Variants in APPL1 observed in about 807,000 individuals in gnomAD.
APPL1 encodes the protein DCC-interacting protein 13-alpha.
In APPL1, 42 loss-of-function variants were observed where a neutral mutation model predicts 106.8. The ratio of observed to expected loss-of-function variants is 0.39; its 90% confidence interval spans 0.31 to 0.51. The LOEUF is 0.51. Among genes scored for constraint, APPL1 ranks in the 20% least tolerant of loss-of-function variants. The pLI is 0.75. For missense variants in APPL1, 769 were observed against 858.2 expected, an observed-to-expected ratio of 0.90 and a Z score of 1.30; for synonymous variants, 263 against 281.8, an observed-to-expected ratio of 0.93 and a Z score of 0.67.
At chr3:57,259,468 G>A (rs2060854081) in intron 16 of APPL1, among the ~76,000 whole-genome samples, 1 of 152,154 alleles carries the variant, frequency 6.6e-6, no homozygotes, top group South Asian at 2.1e-4. Context: ...GTTTGTGTGT[G>A]TGTGTGTGTG....
rs2060938976 is a variant in APPL1, at chr3:57,271,411, A to G, written c.*1724A>G. ...TAAAAAGTTTATTTTGTGCTTACCA[A>G]AAGGAATGCTTTCACAATAGTGTAT... On this transcript the variant is annotated 3_prime_UTR_variant, in exon 22 of 22. Coordinates refer to ENST00000288266, the MANE Select transcript of APPL1 (RefSeq NM_012096.3). 6.6e-6 allele frequency: 1 copy of G among 152,668 alleles called. No individual in the cohort carries two copies. The highest frequency in any genetic ancestry group is 6.5e-5 in the Admixed American group (1 of 15,288). The allele number at this position is 152,668 out of a possible 1,614,324, so 9.5% of individuals were successfully genotyped here.
chr3:57,239,045 C>T (rs543992231), intron 4 of APPL1, among the ~76,000 whole-genome samples: 3 of 152,168 alleles, frequency 2.0e-5, no homozygotes, highest in Non-Finnish European at 2.9e-5. Flanking sequence ...TGGCGGAAGA[C>T]GAAAGGCACA....
At chr3:57,242,944 A>T (rs2060754506) in intron 7 of APPL1, 30 bp downstream of exon 7, 1 of 1,523,176 alleles carries the variant, frequency 6.6e-7, no homozygotes. Context: ...CTTCAGTGTC[A>T]TAATTAACTA....
rs965683268 is a variant in APPL1 at position 57,227,732 on chromosome 3, C to T, written c.-152C>T. 4 of 593,772 alleles carry T rather than the reference C, an allele frequency of 6.7e-6. No individual in the cohort carries two copies. The highest frequency in any genetic ancestry group is 2.0e-5 in the African/African-American group (1 of 50,904). The allele number at this position is 593,772 out of a possible 1,614,324, so 36.8% of individuals were successfully genotyped here. A position where few individuals can be genotyped will look rare whatever the true frequency, so the allele number is the denominator to read the frequency against. On this transcript the variant is annotated 5_prime_UTR_variant, in exon 1 of 22. In the 5' UTR this introduces an upstream ATG that the reference lacks. Transcript: ENST00000288266. ...GGCCGAGGGGGCGGGATTTCCCGCA[C>T]GGCCGCTCGGCGCCTGGAGAAGGCT...
rs866668387 is a variant in APPL1 at position 57,250,822 on chromosome 3, T to G, written c.1052+1274T>G. Among the ~76,000 whole-genome samples, 518 of 146,912 alleles carry G rather than the reference T, an allele frequency of 3.5e-3. 1 individual carries two copies. The highest frequency in any genetic ancestry group is 0.012 in the African/African-American group (481 of 40,168). On this transcript the variant is annotated intron_variant, in intron 11 of 21. Transcript: ENST00000288266. ...TTTCTTTCTTTTTTTTTTTTTTTTT[T>G]TTTGAGACGGAGTCTCGCTCTGTCG...
intron 1 of APPL1, among the ~76,000 whole-genome samples, chr3:57,229,001 A>C (rs1383133868): frequency 1.3e-5 from 2 of 152,242 alleles, no homozygotes; most frequent in African/African-American, 4.8e-5. Flanking sequence ...GCCAATGTTA[A>C]TTGCCAAGTT....
rs1230481985 is a variant in APPL1 at position 57,260,842 on chromosome 3, TAATTA to T, written c.1842+73_1842+77del. On this transcript the variant is annotated intron_variant, in intron 19 of 21. Coordinates refer to ENST00000288266, the MANE Select transcript of APPL1 (RefSeq NM_012096.3). ...ATTGATTCTTACTAAGATTTAATAA[TAATTA>T]AATTCTTACAAATTAAATTAGTTAG... is the stretch of plus-strand genomic sequence containing the variant. 1.2e-5 allele frequency: 17 copies of T among 1,382,322 alleles called. No individual in the cohort carries two copies. In the South Asian group the frequency reaches 1.5e-4, roughly 12 times the overall value. 85.6% of individuals were successfully genotyped at this position (1,382,322 alleles called of 1,614,324 possible).
At chr3:57,257,894 C>T (rs2060845789) in intron 15 of APPL1, among the ~76,000 whole-genome samples, 1 of 152,098 alleles carries the variant, frequency 6.6e-6, no homozygotes, top group South Asian at 2.1e-4. Context: ...AATATTCTCA[C>T]CAAAGCAGTT....
rs1399095011 is a variant in APPL1, at chr3:57,233,662, G to A, written c.55-1904G>A. On this transcript the variant is annotated intron_variant, in intron 1 of 21. Transcript: ENST00000288266. ...TAAATCTCTGAGGCCTGGGGAAGTG[G>A]AGGACTGAAAATAGGGACTTACTGG... 3.9e-5 allele frequency among the ~76,000 whole-genome samples: 6 copies of A among 152,098 alleles called. 1 individual carries two copies. Among genetic ancestry groups the A allele is most frequent in the Admixed American group, 3.9e-4 (6 of 15,260 alleles).
At chr3:57,229,567 C>T (rs1433273045) in intron 1 of APPL1, among the ~76,000 whole-genome samples, 1 of 151,894 alleles carries the variant, frequency 6.6e-6, no homozygotes, top group Non-Finnish European at 1.5e-5. Context: ...GCTATGTTTC[C>T]CAGTCTGGAG....
intron 7 of APPL1, among the ~76,000 whole-genome samples, chr3:57,245,176 G>T (rs1447499734): frequency 2.0e-5 from 3 of 152,184 alleles, no homozygotes; most frequent in African/African-American, 4.8e-5. Flanking sequence ...TGAGTCATTG[G>T]TGTATTGGAA....
intron 13 of APPL1, 74 bp downstream of exon 13, chr3:57,253,812 T>C: frequency 8.1e-7 from 1 of 1,238,374 alleles, no homozygotes; most frequent in Non-Finnish European, 1.1e-6. Context: ...TTTTATTAAT[T>C]CATAATTTCT....
intron 1 of APPL1, 127 bp from the exon 2 acceptor site, chr3:57,235,439 A>G (rs1189347438): frequency 5.6e-6 from 3 of 537,886 alleles, no homozygotes; most frequent in Non-Finnish European, 9.7e-6. Context: ...AAAAGAGACA[A>G]AATAGATTAA....
rs1404392397 is a variant in APPL1, at chr3:57,257,272, C to T, written c.1274C>T (p.Thr425Ile). 2 of 1,613,680 alleles carry T rather than the reference C, an allele frequency of 1.2e-6. No homozygotes were observed. The highest frequency in any genetic ancestry group is 1.7e-4 in the Middle Eastern group (1 of 6,054). Reference protein sequence around the residue: ...AGQSRPPTARTSSSGSLGSES... With the variant: ...AGQSRPPTARISSSGSLGSES... ...CAATCTCGGCCACCGACAGCTCGAACCAGCAGTTCAGGATCCTTAGGATCT... is the reference window on the plus strand; with the variant it reads ...CAATCTCGGCCACCGACAGCTCGAATCAGCAGTTCAGGATCCTTAGGATCT... The change falls in exon 15 of 22, where the codon ACC becomes ATC. Residue 425 changes from threonine to isoleucine, a missense_variant. By Grantham distance (89) the Thr-to-Ile change is moderately conservative. Transcript: ENST00000288266.
chr3:57,249,568 T>G lies in APPL1; in HGVS notation c.1052+20T>G. On this transcript the variant is annotated intron_variant, in intron 11 of 21. Transcript: ENST00000288266. ...AAAAAAGTTAGTATTTTTTTTCTAC[T>G]ACTACTAATCTATAGTATATTAAAC... is the stretch of plus-strand genomic sequence containing the variant. 1 of 1,538,418 alleles carries G rather than the reference T, an allele frequency of 6.5e-7. No individual in the cohort carries two copies. Among genetic ancestry groups the G allele is most frequent in the South Asian group, 1.3e-5 (1 of 77,400 alleles).
Position 57,227,803 on chromosome 3 carries a change from G to C in APPL1, c.-81G>C, listed in dbSNP as rs998328674. On this transcript the variant is annotated 5_prime_UTR_variant, in exon 1 of 22. Coordinates refer to ENST00000288266, the MANE Select transcript of APPL1 (RefSeq NM_012096.3). Reference sequence around the variant, plus strand: ...AGCCCTTGCCGGAGAGGGCGGGCCGGGGTCAGCTGCGGCGGGCGGGCCGGC... The same window carrying C: ...AGCCCTTGCCGGAGAGGGCGGGCCGCGGTCAGCTGCGGCGGGCGGGCCGGC... 3.3e-5 allele frequency: 41 copies of C among 1,261,022 alleles called. No individual in the cohort carries two copies. The highest frequency in any genetic ancestry group is 5.2e-5 in the Admixed American group (2 of 38,524). 78.1% of individuals were successfully genotyped at this position (1,261,022 alleles called of 1,614,324 possible).
chr3:57,264,139 GTT>G (rs1391840901), intron 19 of APPL1, among the ~76,000 whole-genome samples: 8 of 152,250 alleles, frequency 5.3e-5, no homozygotes, highest in African/African-American at 1.9e-4. Context: ...GATCAGTGAT[GTT>G]GAGGACCTTT....
chr3:57,244,280 C>A (rs1488881547), intron 7 of APPL1, among the ~76,000 whole-genome samples: 1 of 151,956 alleles, frequency 6.6e-6, no homozygotes, highest in Admixed American at 6.6e-5. Context: ...TTCAGCCTCC[C>A]CAGTAACTGG....
intron 12 of APPL1, 68 bp downstream of exon 12, chr3:57,252,379 T>G: frequency 8.6e-7 from 1 of 1,156,786 alleles, no homozygotes; most frequent in Non-Finnish European, 1.3e-6. Flanking sequence ...AAAACATATA[T>G]TAATGTGTTC....
Sources: gnomAD v4.1 joint callset for allele counts (sites outside exome capture counted in the v4.1 genomes callset) on GRCh38, gnomAD v4.1.1 for gene constraint, MANE v1.5 for transcripts, NCBI Gene and HGNC (gene_info 2026-07-23, HGNC 2026-07-21) for gene names.